PCDH15: variants seen among roughly 807,000 people sequenced by gnomAD.
The protein encoded by PCDH15 is protocadherin related 15.
A neutral mutation model predicts 178.5 loss-of-function variants in PCDH15; 129 were observed. The ratio of observed to expected loss-of-function variants is 0.72; its 90% CI spans 0.63 to 0.84. PCDH15 has a LOEUF of 0.84. Ranked by LOEUF, PCDH15 falls within the 40% of genes least tolerant of loss-of-function variation. The probability of loss-of-function intolerance (pLI) is 0.00; values close to 1 mark genes in which losing one functional copy is unlikely to be tolerated. For synonymous variants in PCDH15, 800 were observed against 732.0 expected (o/e 1.09, Z -1.50); for missense variants, 2,230 against 2,099.9 (o/e 1.06, Z -1.21).
intron 8 of PCDH15, among the ~76,000 whole-genome samples, chr10:54,264,890 A>C (rs970289657): frequency 6.6e-6 from 1 of 152,144 alleles, no homozygotes; most frequent in African/African-American, 2.4e-5. Flanking sequence ...GTTGACATGC[A>C]TACATCAGAA....
At chr10:54,930,048 C>T (rs1837731810) in intron 2 of PCDH15, among the ~76,000 whole-genome samples, 1 of 152,146 alleles carries the variant, frequency 6.6e-6, no homozygotes, top group Non-Finnish European at 1.5e-5. Flanking sequence ...AGCTGGAGCA[C>T]AGGTGAATGC....
In PCDH15 at chr10:55,294,482, T is replaced by C. The variant is rs1843086111; in HGVS notation, c.-156+25117A>G. Among the ~76,000 whole-genome samples, 5 of 152,206 alleles carry C rather than the reference T, an allele frequency of 3.3e-5. No individual in the cohort carries two copies. The South Asian group carries it at 1.0e-3, about 32-fold the overall frequency. ...TCCCAGGGAGATGTTCTGAAGTAAA[T>C]GTTCTTGGTGAAGGATGAAGATGAA... On this transcript the variant is annotated intron_variant, in intron 1 of 5. Transcript: ENST00000458638.
chr10:55,552,560 C>T (rs1842021649), intron 2 of PCDH15, among the ~76,000 whole-genome samples: 1 of 151,248 alleles, frequency 6.6e-6, no homozygotes, highest in South Asian at 2.1e-4. Flanking sequence ...AAATCAAAAG[C>T]TAAGAATACT....
chr10:54,301,134 C>G (rs1183181999), intron 8 of PCDH15, among the ~76,000 whole-genome samples: 1 of 152,186 alleles, frequency 6.6e-6, no homozygotes, highest in Admixed American at 6.5e-5. Flanking sequence ...TCTTTAAGAG[C>G]TGTAACACTC....
At chr10:55,294,328 C>T (rs761597958) in intron 1 of PCDH15, among the ~76,000 whole-genome samples, 3 of 152,136 alleles carry the variant, frequency 2.0e-5, no homozygotes, top group Non-Finnish European at 4.4e-5. Flanking sequence ...CTTATTAATG[C>T]TCTGGATTGC....
chr10:54,886,674 A>C (rs1347687479), intron 3 of PCDH15, among the ~76,000 whole-genome samples: 2 of 152,232 alleles, frequency 1.3e-5, no homozygotes, highest in Admixed American at 6.5e-5. Flanking sequence ...TGGCAGGAGA[A>C]TCGCTTGAAC....
chr10:54,743,952 T>C (rs2132853491), intron 1 of PCDH15, among the ~76,000 whole-genome samples: 1 of 152,286 alleles, frequency 6.6e-6, no homozygotes, highest in Middle Eastern at 3.4e-3. Flanking sequence ...ATTCATATCC[T>C]GTCCTTTCAG....
Position 55,200,212 on chromosome 10 carries a change from T to A in PCDH15, c.-155-33561A>T, listed in dbSNP as rs532699504. Among the ~76,000 whole-genome samples, 11 of 152,228 alleles carry A rather than the reference T, an allele frequency of 7.2e-5. No individual in the cohort carries two copies. The East Asian group carries it at 1.9e-3, about 27-fold the overall frequency. Reference sequence around the variant, plus strand: ...GGGGAATGTACCCTGCAAAGCAACATGGAAGGAGCTGTCCAAGGCCTTGGG... The same window carrying A: ...GGGGAATGTACCCTGCAAAGCAACAAGGAAGGAGCTGTCCAAGGCCTTGGG... On this transcript the variant is annotated intron_variant, in intron 1 of 5. Transcript: ENST00000458638.
chr10:54,561,821 A>C (rs772744427), intron 2 of PCDH15, among the ~76,000 whole-genome samples: 1 of 151,584 alleles, frequency 6.6e-6, no homozygotes, highest in Non-Finnish European at 1.5e-5. Context: ...CAAAATGAAA[A>C]CTATCAATGG....
intron 1 of PCDH15, among the ~76,000 whole-genome samples, chr10:55,254,485 C>G (rs1841934667): frequency 6.6e-6 from 1 of 152,100 alleles, no homozygotes; most frequent in South Asian, 2.1e-4. Context: ...CAGTTGCAAG[C>G]TGTCAGTGGA....
chr10:54,922,965 C>T (rs1837531950), intron 2 of PCDH15, among the ~76,000 whole-genome samples: 1 of 152,202 alleles, frequency 6.6e-6, no homozygotes, highest in Non-Finnish European at 1.5e-5. Flanking sequence ...TATTTCCTCT[C>T]TGCACTGCCC....
intron 29 of PCDH15, among the ~76,000 whole-genome samples, chr10:53,834,366 T>A (rs1483749849): frequency 1.3e-5 from 2 of 152,208 alleles, no homozygotes; most frequent in Admixed American, 6.5e-5. Context: ...TCCAGAGTTA[T>A]ATATTCTCCC....
At chr10:53,986,067 AG>A (rs2134703912) in intron 21 of PCDH15, among the ~76,000 whole-genome samples, 1 of 152,280 alleles carries the variant, frequency 6.6e-6, no homozygotes, top group African/African-American at 2.4e-5. Context: ...TGTTAACTAC[AG>A]TCACAATTTT....
At chr10:54,998,036 G>T (rs1301770154) in intron 2 of PCDH15, among the ~76,000 whole-genome samples, 1 of 151,900 alleles carries the variant, frequency 6.6e-6, no homozygotes, top group Non-Finnish European at 1.5e-5. Context: ...AAATGTAAGG[G>T]TACTTAGAAT....
At chr10:55,412,386 C>A (rs543794107) in intron 2 of PCDH15, among the ~76,000 whole-genome samples, 124 of 152,012 alleles carry the variant, frequency 8.2e-4, no homozygotes, top group Admixed American at 1.4e-3. Flanking sequence ...AGTTAACAGG[C>A]CTTAGAAACT....
At chr10:55,472,465 C>CTTTTTTTTT (rs71014493) in intron 2 of PCDH15, among the ~76,000 whole-genome samples, 3 of 99,768 alleles carry the variant, frequency 3.0e-5, no homozygotes, top group African/African-American at 3.7e-5. Context: ...TTTGAATTAG[C>CTTTTTTTTT]TTTTTTTTTT....
At chr10:54,220,750 A>G (rs1021774707) in intron 9 of PCDH15, among the ~76,000 whole-genome samples, 2 of 151,830 alleles carry the variant, frequency 1.3e-5, no homozygotes, top group African/African-American at 2.4e-5. Context: ...GAGTGAACCC[A>G]GGAGGCGGAG....
chr10:54,111,856 G>A (rs1287393303), intron 15 of PCDH15, among the ~76,000 whole-genome samples: 1 of 151,830 alleles, frequency 6.6e-6, no homozygotes, highest in Non-Finnish European at 1.5e-5. Context: ...GCCAGGCGTG[G>A]TGGCTCACGC....
At chr10:55,602,294 G>A (rs945301743) in intron 2 of PCDH15, among the ~76,000 whole-genome samples, 4 of 152,208 alleles carry the variant, frequency 2.6e-5, no homozygotes, top group South Asian at 2.1e-4. Context: ...ACTGCAAGGC[G>A]GCAGCGAGGC....
Sources: allele counts gnomAD v4.1 joint callset (sites outside exome capture counted in the v4.1 genomes callset), GRCh38; gene constraint gnomAD v4.1.1; transcripts MANE v1.5; gene names NCBI Gene and HGNC (gene_info 2026-07-23, HGNC 2026-07-21).